PACRG: variants seen among roughly 807,000 people sequenced by gnomAD.
PACRG encodes parkin coregulated.
A neutral mutation model predicts 29.7 loss-of-function variants in PACRG; 29 were observed. The observed-to-expected ratio is 0.98, with a 90% CI of 0.73 to 1.33. The LOEUF is 1.33. Ranked by LOEUF, PACRG falls within the 40% of genes most tolerant of loss-of-function variation. PACRG has a pLI of 0.00. For missense variants in PACRG, 279 were observed against 316.2 expected (o/e 0.88, Z 0.89); for synonymous variants, 116 against 118.7 (o/e 0.98, Z 0.15).
At chr6:163,009,801 C>T (rs1805448440) in intron 2 of PACRG, among the ~76,000 whole-genome samples, 1 of 152,214 alleles carries the variant, frequency 6.6e-6, no homozygotes, top group Non-Finnish European at 1.5e-5. Flanking sequence ...GAATTTTAAA[C>T]TTACACTTAA....
At chr6:162,903,815 G>A (rs894540002) in intron 2 of PACRG, among the ~76,000 whole-genome samples, 8 of 152,170 alleles carry the variant, frequency 5.3e-5, no homozygotes, top group Admixed American at 5.2e-4. Context: ...GTGATCGTGA[G>A]GGGTTTGTCA....
At chr6:162,773,493 C>CTTTTTTTTT (rs1562582605) in intron 1 of PACRG, among the ~76,000 whole-genome samples, 28 of 82,744 alleles carry the variant, frequency 3.4e-4, no homozygotes, top group African/African-American at 1.3e-3. Context: ...TACAGCTTGT[C>CTTTTTTTTT]ATTTTTTTTT....
At chr6:163,194,094 T>C (rs62427648) in intron 4 of PACRG, among the ~76,000 whole-genome samples, 34,876 of 151,964 alleles carry the variant, frequency 0.23, 4,368 homozygotes, top group East Asian at 0.3. Context: ...GGTTTTGCCA[T>C]GTTGGCCAGG....
chr6:163,291,555 C>T (rs968119202), intron 4 of PACRG, among the ~76,000 whole-genome samples: 2 of 152,280 alleles, frequency 1.3e-5, no homozygotes, highest in Non-Finnish European at 2.9e-5. Context: ...GATTTCTCTT[C>T]ATATTCCTTT....
intron 2 of PACRG, among the ~76,000 whole-genome samples, chr6:162,966,120 T>C (rs1038111007): frequency 1.3e-5 from 2 of 152,204 alleles, no homozygotes; most frequent in African/African-American, 4.8e-5. Context: ...AATAAATGCT[T>C]GCCTGGACAC....
intron 4 of PACRG, among the ~76,000 whole-genome samples, chr6:163,237,980 G>A (rs943177763): frequency 1.3e-5 from 2 of 152,142 alleles, no homozygotes; most frequent in African/African-American, 4.8e-5. Flanking sequence ...AAGTTCCTGG[G>A]GCTTTTCATT....
intron 1 of PACRG, among the ~76,000 whole-genome samples, chr6:162,759,440 G>T (rs560678766): frequency 3.0e-4 from 46 of 152,282 alleles, no homozygotes; most frequent in Admixed American, 2.7e-3. Flanking sequence ...CTTGGTCATT[G>T]AGAAAATAAG....
chr6:162,748,506 C>A (rs147754403), intron 1 of PACRG, among the ~76,000 whole-genome samples: 14 of 151,878 alleles, frequency 9.2e-5, no homozygotes, highest in African/African-American at 3.1e-4. Context: ...AAAACAAAAC[C>A]AAACCAAACA....
At chr6:163,150,014 G>A (rs555293281) in intron 4 of PACRG, among the ~76,000 whole-genome samples, 70 of 152,298 alleles carry the variant, frequency 4.6e-4, no homozygotes, top group African/African-American at 1.5e-3. Flanking sequence ...CTAGCTGTGC[G>A]TTAGTTCAAT....
chr6:162,736,504 G>C (rs1780175770), intron 1 of PACRG, among the ~76,000 whole-genome samples: 1 of 152,200 alleles, frequency 6.6e-6, no homozygotes, highest in Non-Finnish European at 1.5e-5. Context: ...AGAGCTGAAC[G>C]ACCTGAGAGG....
At chr6:162,947,254 CATAT>C (rs954698254) in intron 2 of PACRG, among the ~76,000 whole-genome samples, 4 of 141,832 alleles carry the variant, frequency 2.8e-5, no homozygotes, top group African/African-American at 1.1e-4. Flanking sequence ...AAACATATAT[CATAT>C]ATAATCTATA....
At chr6:163,189,096 A>G (rs936113298) in intron 4 of PACRG, among the ~76,000 whole-genome samples, 1 of 152,252 alleles carries the variant, frequency 6.6e-6, no homozygotes, top group Non-Finnish European at 1.5e-5. Flanking sequence ...ATACTGCAGG[A>G]AAGATTTCGC....
At chr6:163,149,401 C>G (rs866048566) in intron 4 of PACRG, among the ~76,000 whole-genome samples, 12 of 152,188 alleles carry the variant, frequency 7.9e-5, no homozygotes, top group Admixed American at 6.5e-5. Context: ...AAGTGAAAAG[C>G]CAAGGCCACG....
intron 1 of PACRG, among the ~76,000 whole-genome samples, chr6:162,799,236 A>T (rs1785640294): frequency 6.6e-6 from 1 of 152,226 alleles, no homozygotes. Context: ...AATAAAATGT[A>T]AATGAAAATA....
At chr6:163,035,973 T>C (rs1002361370) in intron 2 of PACRG, among the ~76,000 whole-genome samples, 3 of 152,140 alleles carry the variant, frequency 2.0e-5, no homozygotes, top group African/African-American at 7.2e-5. Context: ...CTGGGAACAA[T>C]GAAAGGAAAT....
At chr6:163,198,938 C>T (rs1210381631) in intron 4 of PACRG, among the ~76,000 whole-genome samples, 5 of 152,098 alleles carry the variant, frequency 3.3e-5, no homozygotes, top group East Asian at 3.9e-4. Flanking sequence ...CAGGAAAACT[C>T]GAAACAGGGA....
intron 2 of PACRG, chr6:163,016,068 A>G (rs965449037): frequency 6.6e-6 from 1 of 152,190 alleles, no homozygotes; most frequent in Non-Finnish European, 1.5e-5. Flanking sequence ...GATGAGCATC[A>G]TTTTGTTGCA....
At chr6:162,739,851 A>C (rs1008063777) in intron 1 of PACRG, among the ~76,000 whole-genome samples, 5 of 151,886 alleles carry the variant, frequency 3.3e-5, no homozygotes, top group Admixed American at 6.6e-5. Context: ...TAAAAAAAAA[A>C]AAAAAAAAAA....
At chr6:162,848,448 CCTT>C (rs1463215089) in intron 2 of PACRG, among the ~76,000 whole-genome samples, 1 of 152,182 alleles carries the variant, frequency 6.6e-6, no homozygotes, top group Admixed American at 6.5e-5. Context: ...CTTGCACACT[CCTT>C]CTAGATGAAC....
Sources: gnomAD v4.1 joint callset for allele counts (sites outside exome capture counted in the v4.1 genomes callset) on GRCh38, gnomAD v4.1.1 for gene constraint, MANE v1.5 for transcripts, NCBI Gene and HGNC (gene_info 2026-07-23, HGNC 2026-07-21) for gene names.